Variants in MLLT10 observed in about 807,000 individuals in gnomAD.
The protein encoded by MLLT10 is protein AF-10.
Under a neutral mutation model 129.1 loss-of-function variants are expected in MLLT10, and 30 were observed. The ratio of observed to expected loss-of-function variants is 0.23; its 90% CI spans 0.17 to 0.32. The LOEUF (loss-of-function observed/expected upper bound fraction) is 0.32. Among genes scored for constraint, MLLT10 ranks in the 10% least tolerant of loss-of-function variants. The pLI is 1.00. For synonymous variants in MLLT10, 490 were observed against 446.4 expected (o/e 1.10, Z -1.23); for missense variants, 1,119 against 1,268.3 (o/e 0.88, Z 1.79).
At chr10:21,640,599 A>C (rs2131293312) in intron 8 of MLLT10, among the ~76,000 whole-genome samples, 1 of 152,226 alleles carries the variant, frequency 6.6e-6, no homozygotes, top group East Asian at 1.9e-4. Context: ...GTTGCATTAC[A>C]GGAGAGGAGC....
intron 15 of MLLT10, among the ~76,000 whole-genome samples, chr10:21,727,107 G>T (rs947479651): frequency 4.6e-5 from 7 of 152,126 alleles, no homozygotes; most frequent in African/African-American, 1.7e-4. Context: ...ACCAAGAATG[G>T]ATCAGTCTGT....
At chr10:21,735,274 G>T (rs1410790321) in intron 21 of MLLT10, 39 bp downstream of exon 21, 1 of 1,439,486 alleles carries the variant, frequency 6.9e-7, no homozygotes, top group Admixed American at 1.7e-5. Flanking sequence ...TTAGGAGCAT[G>T]TGTTCTAAGC....
At chr10:21,738,714 CGCTTTTCCTCCTCCTTGAA>C (rs1363574462) in intron 21 of MLLT10, among the ~76,000 whole-genome samples, 1 of 152,184 alleles carries the variant, frequency 6.6e-6, no homozygotes, top group African/African-American at 2.4e-5. Flanking sequence ...CAGAGTTGAT[CGCTTTTCCTCCTCCTTGAA>C]ACATTTCCTC....
rs1259363836 is a variant in MLLT10 at position 21,742,223 on chromosome 10, AAATTT to A, written c.*244_*248del. On this transcript the variant is annotated 3_prime_UTR_variant, in exon 23 of 23. Transcript: ENST00000307729. Reference sequence around the variant, plus strand: ...CCCCAGTTTTTTGAACATGGAAAGAAAATTTAATAACTTTTTAAAGTGACATAATT... The same window carrying A: ...CCCCAGTTTTTTGAACATGGAAAGAAAATAACTTTTTAAAGTGACATAATT... 2 of 408,104 alleles carry A rather than the reference AAATTT, an allele frequency of 4.9e-6. No individual in the cohort carries two copies. The highest frequency in any genetic ancestry group is 8.7e-6 in the Non-Finnish European group (2 of 230,998). The allele number at this position is 408,104 out of a possible 1,614,324, so 25.3% of individuals were successfully genotyped here.
intron 13 of MLLT10, among the ~76,000 whole-genome samples, chr10:21,696,205 T>G (rs1252146288): frequency 6.6e-6 from 1 of 152,028 alleles, no homozygotes; most frequent in African/African-American, 2.4e-5. Flanking sequence ...TTTTTTTGAT[T>G]ATTATTATTT....
At chr10:21,628,650 C>G (rs970723880) in intron 8 of MLLT10, among the ~76,000 whole-genome samples, 1 of 151,308 alleles carries the variant, frequency 6.6e-6, no homozygotes, top group Non-Finnish European at 1.5e-5. Context: ...CCATGTCGGT[C>G]AGGCTGGTTT....
At chr10:21,574,813 G>T (rs951046804) in intron 3 of MLLT10, among the ~76,000 whole-genome samples, 3 of 152,154 alleles carry the variant, frequency 2.0e-5, no homozygotes, top group African/African-American at 7.2e-5. Context: ...CAGTGAGGAC[G>T]ACCAGAGGTC....
intron 8 of MLLT10, among the ~76,000 whole-genome samples, chr10:21,638,368 C>T (rs148961185): frequency 1.8e-3 from 280 of 152,090 alleles, no homozygotes; most frequent in Non-Finnish European, 3.4e-3. Flanking sequence ...TCCTCTTATA[C>T]CTTCAGATGT....
At chr10:21,641,042 T>C (rs1275569625) in intron 8 of MLLT10, among the ~76,000 whole-genome samples, 1 of 152,208 alleles carries the variant, frequency 6.6e-6, no homozygotes, top group African/African-American at 2.4e-5. Flanking sequence ...GGACCAGGCC[T>C]AGAGGTGACA....
chr10:21,577,114 GA>G (rs2040851736), intron 3 of MLLT10, among the ~76,000 whole-genome samples: 1 of 152,140 alleles, frequency 6.6e-6, no homozygotes, highest in South Asian at 2.1e-4. Context: ...CATATAAATG[GA>G]ATCATATGAT....
intron 8 of MLLT10, among the ~76,000 whole-genome samples, chr10:21,631,884 T>C (rs149458261): frequency 1.3e-5 from 2 of 152,036 alleles, no homozygotes; most frequent in Admixed American, 1.3e-4. Flanking sequence ...CATATCCCCT[T>C]TGAAAGTTAG....
chr10:21,712,676 C>A (rs1054075301), intron 13 of MLLT10, among the ~76,000 whole-genome samples: 12 of 152,162 alleles, frequency 7.9e-5, no homozygotes, highest in African/African-American at 2.7e-4. Context: ...CCAGTTATTT[C>A]TTCTGGAGGC....
chr10:21,735,320 T>TGAAATAACATTATTGAATGCATAATCA, intron 21 of MLLT10, 85 bp downstream of exon 21: 1 of 1,161,086 alleles, frequency 8.6e-7, no homozygotes. Flanking sequence ...TTCTCCTTTG[T>TGAAATAACATTATTGAATGCATAATCA]GAAATAACAT....
At chr10:21,691,887 G>C (rs1174739887) in intron 13 of MLLT10, among the ~76,000 whole-genome samples, 1 of 151,770 alleles carries the variant, frequency 6.6e-6, no homozygotes, top group Non-Finnish European at 1.5e-5. Context: ...TTAATAGACT[G>C]GGCACGGTGG....
chr10:21,539,420 T>C (rs1308688355), intron 3 of MLLT10, among the ~76,000 whole-genome samples: 1 of 151,976 alleles, frequency 6.6e-6, no homozygotes, highest in African/African-American at 2.4e-5. Context: ...ATCTTTTTTT[T>C]TTTTTTTTTT....
chr10:21,636,569 C>T (rs968454650), intron 8 of MLLT10, among the ~76,000 whole-genome samples: 1 of 149,546 alleles, frequency 6.7e-6, no homozygotes. Flanking sequence ...AATATGATTT[C>T]TTTTCTTTTC....
intron 3 of MLLT10, among the ~76,000 whole-genome samples, chr10:21,571,421 A>G (rs1589007521): frequency 6.6e-6 from 1 of 152,026 alleles, no homozygotes; most frequent in Non-Finnish European, 1.5e-5. Flanking sequence ...ACTTGGGGAG[A>G]CTACAGGCTC....
At chr10:21,640,282 T>C (rs1589381252) in intron 8 of MLLT10, among the ~76,000 whole-genome samples, 1 of 144,428 alleles carries the variant, frequency 6.9e-6, no homozygotes, top group East Asian at 2.0e-4. Context: ...TTGTATTATA[T>C]ATAATATATA....
intron 8 of MLLT10, among the ~76,000 whole-genome samples, chr10:21,644,003 A>G (rs1354219356): frequency 6.6e-6 from 1 of 152,166 alleles, no homozygotes; most frequent in Non-Finnish European, 1.5e-5. Flanking sequence ...AATTCTTGGC[A>G]ATGTGTATTT....
Sources: gnomAD v4.1 joint callset for allele counts (sites outside exome capture counted in the v4.1 genomes callset) on GRCh38, gnomAD v4.1.1 for gene constraint, MANE v1.5 for transcripts, NCBI Gene and HGNC (gene_info 2026-07-23, HGNC 2026-07-21) for gene names.